Variants in SLC25A17 observed in about 807,000 individuals in gnomAD.
SLC25A17 encodes the protein peroxisomal membrane protein PMP34.
A neutral mutation model predicts 38.5 loss-of-function variants in SLC25A17; 26 were observed. The ratio of observed to expected loss-of-function variants is 0.68; its 90% CI spans 0.50 to 0.94. The LOEUF is 0.94. Among genes scored for constraint, SLC25A17 ranks in the 40% least tolerant of loss-of-function variants. The pLI is 0.00. For synonymous variants in SLC25A17, 139 were observed against 136.2 expected (o/e 1.02, Z -0.14); for missense variants, 333 against 372.7 (o/e 0.89, Z 0.88).
At chr22:40,775,448 T>G (rs1479841140) in intron 7 of SLC25A17, among the ~76,000 whole-genome samples, 1 of 47,066 alleles carries the variant, frequency 2.1e-5, no homozygotes, top group African/African-American at 8.7e-5. Flanking sequence ...TTTTTTTTTT[T>G]TTTTTTTTTT....
intron 1 of SLC25A17, among the ~76,000 whole-genome samples, chr22:40,818,937 C>G (rs1292023764): frequency 6.6e-6 from 1 of 152,078 alleles, no homozygotes; most frequent in Non-Finnish European, 1.5e-5. Flanking sequence ...AGATGCGGAC[C>G]CTGAGCGGGC....
intron 1 of SLC25A17, among the ~76,000 whole-genome samples, chr22:40,809,845 C>T (rs1039738686): frequency 6.6e-6 from 1 of 152,108 alleles, no homozygotes; most frequent in African/African-American, 2.4e-5. Context: ...TATATACTAT[C>T]ATCTAACCTG....
intron 1 of SLC25A17, among the ~76,000 whole-genome samples, chr22:40,800,723 G>C (rs1253748905): frequency 6.6e-6 from 1 of 151,628 alleles, no homozygotes; most frequent in Non-Finnish European, 1.5e-5. Context: ...TCATGAGGTA[G>C]AGGTTGCAGT....
intron 8 of SLC25A17, 45 bp downstream of exon 8, chr22:40,773,892 G>A (rs1318955564): frequency 7.6e-7 from 1 of 1,312,362 alleles, no homozygotes; most frequent in Admixed American, 1.7e-5. Flanking sequence ...GGCAGAGATG[G>A]CTGCTGAAGG....
At chr22:40,819,014 T>A (rs912185705) in intron 1 of SLC25A17, among the ~76,000 whole-genome samples, 181 bp downstream of exon 1, 1 of 152,184 alleles carries the variant, frequency 6.6e-6, no homozygotes, top group African/African-American at 2.4e-5. Context: ...TCTCGGCCCT[T>A]ACCCCGAATT....
At chr22:40,783,268 A>G (rs930054144) in intron 4 of SLC25A17, among the ~76,000 whole-genome samples, 1 of 152,246 alleles carries the variant, frequency 6.6e-6, no homozygotes, top group Non-Finnish European at 1.5e-5. Context: ...GTGGAAAATT[A>G]TTTGTTGTGT....
intron 4 of SLC25A17, chr22:40,784,724 T>TC: frequency 7.3e-6 from 1 of 136,856 alleles, no homozygotes; most frequent in Non-Finnish European, 1.5e-5. Flanking sequence ...CAGTGAACTA[T>TC]GACTGCACCA....
At chr22:40,785,315 C>T (rs768426176) in intron 4 of SLC25A17, among the ~76,000 whole-genome samples, 2 of 152,164 alleles carry the variant, frequency 1.3e-5, no homozygotes, top group Admixed American at 6.5e-5. Context: ...ACCTGGGAGG[C>T]GGAGGTTGCA....
intron 1 of SLC25A17, among the ~76,000 whole-genome samples, chr22:40,805,842 GC>G (rs2057525316): frequency 1.3e-5 from 2 of 152,168 alleles, no homozygotes; most frequent in African/African-American, 4.8e-5. Flanking sequence ...GTTATTTTAA[GC>G]CACTAAGTCT....
intron 2 of SLC25A17, among the ~76,000 whole-genome samples, chr22:40,795,652 A>G (rs192255592): frequency 1.3e-5 from 2 of 152,218 alleles, no homozygotes; most frequent in African/African-American, 4.8e-5. Flanking sequence ...ATTAATGTAT[A>G]TATTTTCTCA....
chr22:40,814,754 A>AATATAT lies in SLC25A17; in HGVS notation c.54+4435_54+4440dup, dbSNP rs10527651. 3.4e-3 allele frequency among the ~76,000 whole-genome samples: 454 copies of AATATAT among 135,090 alleles called. 2 individuals are homozygous for AATATAT. The highest frequency in any genetic ancestry group is 6.6e-3 in the East Asian group (26 of 3,916). 88.6% of individuals were successfully genotyped at this position (135,090 alleles called of 152,430 possible). ...GGATGAGGAAAGGCAGTACGTGCAGAATATATATATATATATATATATATA... is the reference window on the plus strand; with the variant it reads ...GGATGAGGAAAGGCAGTACGTGCAGAATATATATATATATATATATATATATATATA... On this transcript the variant is annotated intron_variant, in intron 1 of 8. Transcript: ENST00000435456.
intron 1 of SLC25A17, among the ~76,000 whole-genome samples, chr22:40,808,724 T>A (rs182203373): frequency 6.6e-6 from 1 of 152,332 alleles, no homozygotes; most frequent in East Asian, 1.9e-4. Flanking sequence ...GTAAAAGACA[T>A]CAGAACACAA....
intron 4 of SLC25A17, among the ~76,000 whole-genome samples, chr22:40,786,471 C>G (rs1457633424): frequency 1.3e-5 from 2 of 152,174 alleles, no homozygotes; most frequent in Admixed American, 1.3e-4. Flanking sequence ...CCCAGATGCT[C>G]CAGTCCCTGA....
Position 40,819,283 on chromosome 22 carries a change from C to T in SLC25A17, c.-35G>A. The T allele has an allele frequency of 6.2e-7, 1 of 1,611,714 alleles. No individual in the cohort carries two copies. Among genetic ancestry groups the T allele is most frequent in the South Asian group, 1.1e-5 (1 of 91,008 alleles). ...TCCTCGAAGACCCAGCCACACTTTTCCCACAGATGCCGCAGCCAGTGGAGT... is the reference window on the plus strand; with the variant it reads ...TCCTCGAAGACCCAGCCACACTTTTTCCACAGATGCCGCAGCCAGTGGAGT... On this transcript the variant is annotated 5_prime_UTR_variant, in exon 1 of 9. Coordinates refer to ENST00000435456, the MANE Select transcript of SLC25A17 (RefSeq NM_006358.4).
chr22:40,800,070 A>T (rs1187727187), intron 1 of SLC25A17, among the ~76,000 whole-genome samples: 1 of 152,238 alleles, frequency 6.6e-6, no homozygotes, highest in Non-Finnish European at 1.5e-5. Flanking sequence ...GACAGGTAAG[A>T]ATCATATTGT....
intron 2 of SLC25A17, among the ~76,000 whole-genome samples, chr22:40,795,324 G>A (rs926040401): frequency 1.1e-4 from 17 of 149,678 alleles, no homozygotes; most frequent in African/African-American, 3.7e-4. Context: ...ACGGAGTCTC[G>A]CTCTGTCACC....
At chr22:40,788,098 G>A (rs138298) in intron 4 of SLC25A17, among the ~76,000 whole-genome samples, 99,601 of 152,030 alleles carry the variant, frequency 0.66, 33,083 homozygotes, top group Admixed American at 0.74. Context: ...TTAGAAGTAC[G>A]CACTACACAA....
At position 40,774,010 on chromosome 22, in the gene SLC25A17, G is replaced by A. The variant is rs2057214919; in HGVS notation, c.703C>T (p.His235Tyr). 6.2e-7 allele frequency: 1 copy of A among 1,610,650 alleles called. No individual in the cohort carries two copies. Among genetic ancestry groups the A allele is most frequent in the Non-Finnish European group, 8.5e-7 (1 of 1,176,924 alleles). The change falls in exon 8 of 9, where the codon CAT becomes TAT. Residue 235 changes from histidine (H) to tyrosine (Y), a missense_variant. Transcript: ENST00000435456. ...GTTCTGTTTTCTGGGTTTAGTCTAT[G>A]ACGCCCAAACTGAGGAAAGAGGGAA... ...TVQSILRFGR[H>Y]RLNPENRTLG... is the part of the protein sequence containing the mutation.
chr22:40,798,943 C>CA (rs113368977), intron 2 of SLC25A17, 80 bp downstream of exon 2: 82,240 of 770,306 alleles, frequency 0.11, 54 homozygotes, highest in East Asian at 0.12. Flanking sequence ...AACTCCGTCT[C>CA]AAAAAAAAAA....
Sources: allele counts gnomAD v4.1 joint callset (sites outside exome capture counted in the v4.1 genomes callset), GRCh38; gene constraint gnomAD v4.1.1; transcripts MANE v1.5; gene names NCBI Gene and HGNC (gene_info 2026-07-23, HGNC 2026-07-21).